The following PTPRM variants were observed in gnomAD, a reference collection of about 807,000 sequenced individuals.
PTPRM encodes the protein receptor-type tyrosine-protein phosphatase mu.
A neutral mutation model predicts 186.7 loss-of-function variants in PTPRM; 47 were observed. The observed-to-expected ratio is 0.25, with a 90% CI of 0.20 to 0.32. PTPRM has a LOEUF of 0.32. Ranked by LOEUF, PTPRM falls within the 10% of genes least tolerant of loss-of-function variation. The probability of loss-of-function intolerance (pLI) is 1.00; values close to 1 mark genes in which losing one functional copy is unlikely to be tolerated. For synonymous variants in PTPRM, 668 were observed against 674.9 expected (o/e 0.99, Z 0.16); for missense variants, 1,494 against 1,865.0 (o/e 0.80, Z 3.66).
chr18:7,573,330 G>A (rs764639399), intron 1 of PTPRM, among the ~76,000 whole-genome samples: 15 of 152,152 alleles, frequency 9.9e-5, no homozygotes, highest in Non-Finnish European at 2.1e-4. Flanking sequence ...CCTCAGTGAC[G>A]TTAGGTGGCT....
intron 21 of PTPRM, among the ~76,000 whole-genome samples, chr18:8,318,817 A>G (rs1449754807): frequency 6.6e-6 from 1 of 152,264 alleles, no homozygotes; most frequent in African/African-American, 2.4e-5. Context: ...CATATTGCCA[A>G]TGACATCCCA....
chr18:7,780,005 T>G (rs1431417368), intron 2 of PTPRM, among the ~76,000 whole-genome samples: 1 of 152,176 alleles, frequency 6.6e-6, no homozygotes, highest in Non-Finnish European at 1.5e-5. Flanking sequence ...TGGCGAGTAT[T>G]TAAGAGGTAA....
In PTPRM at chr18:8,041,686, G is replaced by A. The variant is rs143599164; in HGVS notation, c.1133-28000G>A. Among the ~76,000 whole-genome samples, 1,148 of 152,280 alleles carry A rather than the reference G, an allele frequency of 7.5e-3. 6 individuals carry two copies. The highest frequency in any genetic ancestry group is 0.03 in the South Asian group (143 of 4,826). On this transcript the variant is annotated intron_variant, in intron 7 of 32. Transcript: ENST00000580170. ...AGTTGGCTTAAGCAGATGAACAATC[G>A]TCAGACTTAGTTACTCTTTGTTGAC...
At chr18:8,273,162 C>T (rs1489809936) in intron 19 of PTPRM, among the ~76,000 whole-genome samples, 1 of 152,150 alleles carries the variant, frequency 6.6e-6, no homozygotes, top group Non-Finnish European at 1.5e-5. Context: ...TACCATGTTA[C>T]CACTTAGTAC....
At chr18:8,139,345 T>C (rs1286624042) in intron 13 of PTPRM, among the ~76,000 whole-genome samples, 1 of 152,236 alleles carries the variant, frequency 6.6e-6, no homozygotes, top group African/African-American at 2.4e-5. Context: ...TTTGATGGCA[T>C]CTTGCCACCT....
chr18:8,068,676 G>A (rs182663105), intron 7 of PTPRM, among the ~76,000 whole-genome samples: 1 of 152,256 alleles, frequency 6.6e-6, no homozygotes, highest in East Asian at 1.9e-4. Flanking sequence ...AAAAATACCT[G>A]CTCTGCTCAG....
intron 19 of PTPRM, among the ~76,000 whole-genome samples, chr18:8,263,042 G>A (rs1396153529): frequency 6.6e-6 from 1 of 152,050 alleles, no homozygotes; most frequent in African/African-American, 2.4e-5. Flanking sequence ...ACCTAAAAAT[G>A]GAAAGCATAG....
In PTPRM at chr18:7,950,672, G is replaced by A. The variant is rs566130391; in HGVS notation, c.838+1317G>A. Among the ~76,000 whole-genome samples the A allele has an allele frequency of 1.1e-4, 16 of 152,300 alleles. No homozygotes were observed. The East Asian group carries it at 2.1e-3, about 20-fold the overall frequency. ...ATAGGACACTTAGTATACATAGTGA[G>A]CAATGGGTGCTTGAAAGGCCCTTGG... is the stretch of plus-strand genomic sequence containing the variant. On this transcript the variant is annotated intron_variant, in intron 6 of 32. Coordinates refer to ENST00000580170, the MANE Select transcript of PTPRM (RefSeq NM_001105244.2).
At chr18:7,931,133 G>A (rs1414221171) in intron 5 of PTPRM, among the ~76,000 whole-genome samples, 1 of 152,100 alleles carries the variant, frequency 6.6e-6, no homozygotes, top group Non-Finnish European at 1.5e-5. Context: ...CTTGTGATAT[G>A]TTATCGGATA....
chr18:7,733,993 C>G (rs2040716204), intron 1 of PTPRM, among the ~76,000 whole-genome samples: 1 of 152,236 alleles, frequency 6.6e-6, no homozygotes, highest in African/African-American at 2.4e-5. Flanking sequence ...GCCTCTATGA[C>G]TACCTTACCT....
rs369807880 is a variant in PTPRM at position 7,915,098 on chromosome 18, T to C, written c.547+8515T>C. Among the ~76,000 whole-genome samples the C allele has an allele frequency of 2.6e-5, 4 of 152,166 alleles. No homozygotes were observed. In the South Asian group the frequency reaches 8.3e-4, roughly 32 times the overall value. On this transcript the variant is annotated intron_variant, in intron 4 of 32. Coordinates refer to ENST00000580170, the MANE Select transcript of PTPRM (RefSeq NM_001105244.2). ...AACATCTACAAAACGATTTGTATCT[T>C]GGTCAATGATAATTCTTGGCTTTGG...
intron 1 of PTPRM, among the ~76,000 whole-genome samples, chr18:7,615,826 G>A (rs1326001387): frequency 1.3e-5 from 2 of 152,110 alleles, no homozygotes; most frequent in Non-Finnish European, 2.9e-5. Flanking sequence ...AGAATCAGTG[G>A]GAGCCCTGAG....
At chr18:8,053,354 T>A (rs1018912560) in intron 7 of PTPRM, among the ~76,000 whole-genome samples, 2 of 152,190 alleles carry the variant, frequency 1.3e-5, no homozygotes, top group Admixed American at 6.5e-5. Context: ...TTCTTTAATT[T>A]AAAAAATTAA....
chr18:8,269,536 A>T (rs1655069376), intron 19 of PTPRM, among the ~76,000 whole-genome samples: 1 of 151,906 alleles, frequency 6.6e-6, no homozygotes, highest in African/African-American at 2.4e-5. Flanking sequence ...TAGGAAAAAA[A>T]ATTCTAAAAT....
At chr18:7,817,222 G>A (rs371205041) in intron 2 of PTPRM, among the ~76,000 whole-genome samples, 7 of 152,170 alleles carry the variant, frequency 4.6e-5, no homozygotes, top group Middle Eastern at 6.8e-3. Flanking sequence ...TGATCTGCCC[G>A]CCTCGGCATC....
At position 8,199,945 on chromosome 18, in the gene PTPRM, G is replaced by GA. The variant is rs967036024; in HGVS notation, c.2301-44103dup. ...TGAGTCAAAGCCCCAATTCCAAACA[G>GA]AAAAAAAAAATCTTGTTGTTAAATA... On this transcript the variant is annotated intron_variant, in intron 14 of 32. Transcript: ENST00000580170. 3.5e-3 allele frequency among the ~76,000 whole-genome samples: 516 copies of GA among 148,852 alleles called. 3 individuals carry two copies. The highest frequency in any genetic ancestry group is 0.012 in the African/African-American group (471 of 40,542).
chr18:7,593,405 A>G (rs1012871403), intron 1 of PTPRM, among the ~76,000 whole-genome samples: 1 of 152,216 alleles, frequency 6.6e-6, no homozygotes, highest in Non-Finnish European at 1.5e-5. Flanking sequence ...CCTTCCCTCA[A>G]TGTCAGCCAG....
intron 14 of PTPRM, among the ~76,000 whole-genome samples, chr18:8,200,054 G>A (rs999467198): frequency 2.6e-5 from 4 of 152,148 alleles, no homozygotes; most frequent in South Asian, 2.1e-4. Context: ...TGTGCTAGAC[G>A]AATGACTGGT....
chr18:7,598,994 G>A (rs1333515362), intron 1 of PTPRM, among the ~76,000 whole-genome samples: 4 of 151,798 alleles, frequency 2.6e-5, no homozygotes, highest in African/African-American at 9.7e-5. Flanking sequence ...AGATATTTTC[G>A]TTCATTCTAA....
Sources: gnomAD v4.1 joint callset for allele counts (sites outside exome capture counted in the v4.1 genomes callset) on GRCh38, gnomAD v4.1.1 for gene constraint, MANE v1.5 for transcripts, NCBI Gene and HGNC (gene_info 2026-07-23, HGNC 2026-07-21) for gene names.